The following GLE1 variants were observed in gnomAD, a reference collection of about 807,000 sequenced individuals.
The protein encoded by GLE1 is GLE1 RNA export mediator.
Under a neutral mutation model 97.3 loss-of-function variants are expected in GLE1, and 78 were observed. The observed-to-expected ratio is 0.80, with a 90% CI of 0.67 to 0.97. The LOEUF (loss-of-function observed/expected upper bound fraction) is 0.97. Among genes scored for constraint, GLE1 ranks in the 50% least tolerant of loss-of-function variants. The probability of loss-of-function intolerance (pLI) is 0.00; values close to 1 mark genes in which losing one functional copy is unlikely to be tolerated. For missense variants in GLE1, 753 were observed against 857.5 expected (o/e 0.88, Z 1.52); for synonymous variants, 302 against 313.4 (o/e 0.96, Z 0.39).
At chr9:128,508,716 GA>G (rs1380783545) in intron 1 of GLE1, among the ~76,000 whole-genome samples, 159 bp from the exon 2 acceptor site, 4 of 152,182 alleles carry the variant, frequency 2.6e-5, no homozygotes, top group African/African-American at 9.6e-5. Flanking sequence ...TCATTATCAA[GA>G]AACCACTGTA....
At chr9:128,539,267 C>T (rs1847818284) in intron 13 of GLE1, among the ~76,000 whole-genome samples, 1 of 152,084 alleles carries the variant, frequency 6.6e-6, no homozygotes, top group South Asian at 2.1e-4. Context: ...AGTCACCATA[C>T]ATGAACAATG....
rs937024001 is a variant in GLE1, at chr9:128,522,654, A to C, written c.433-14A>C. 5.6e-6 allele frequency: 9 copies of C among 1,602,202 alleles called. No individual in the cohort carries two copies. Among genetic ancestry groups the C allele is most frequent in the Non-Finnish European group, 7.7e-6 (9 of 1,175,808 alleles). Reference sequence around the variant, plus strand: ...CCATCTTAAAAAAAAAAAAAAAAAAAAAAACCTTTTCAGGAGGGCCTGAGG... The same window carrying C: ...CCATCTTAAAAAAAAAAAAAAAAAACAAAACCTTTTCAGGAGGGCCTGAGG... On this transcript the variant is annotated splice_polypyrimidine_tract_variant and intron_variant, in intron 3 of 15. Transcript: ENST00000309971.
chr9:128,531,867 A>AGT (rs1847521530), intron 9 of GLE1, among the ~76,000 whole-genome samples: 1 of 145,600 alleles, frequency 6.9e-6, no homozygotes, highest in Non-Finnish European at 1.5e-5. Context: ...GATGTCCATG[A>AGT]GTGGTTAGAA....
At chr9:128,524,926 G>A (rs1186304162) in intron 6 of GLE1, among the ~76,000 whole-genome samples, 1 of 151,970 alleles carries the variant, frequency 6.6e-6, no homozygotes, top group East Asian at 1.9e-4. Context: ...TATTATTTTT[G>A]TCTAACATAT....
chr9:128,526,547 C>T (rs758532514), intron 7 of GLE1, among the ~76,000 whole-genome samples: 4 of 152,032 alleles, frequency 2.6e-5, no homozygotes, highest in African/African-American at 4.8e-5. Flanking sequence ...TTAGTGGAGA[C>T]GGGGTTTCTC....
In GLE1 at chr9:128,533,880, TAAG is replaced by T; in HGVS notation, c.1579_1581del (p.Lys527del). On this transcript the variant is annotated inframe_deletion, in exon 11 of 16. Coordinates refer to ENST00000309971, the MANE Select transcript of GLE1 (RefSeq NM_001003722.2). ...GGGACCTCATTCTTGCTCATCTACA[TAAG>T]AAGTGTCCTTACTCTGTTCCTTTCT... 1 of 1,613,270 alleles carries T rather than the reference TAAG, an allele frequency of 6.2e-7. No homozygotes were observed. Among genetic ancestry groups the T allele is most frequent in the Non-Finnish European group, 8.5e-7 (1 of 1,179,190 alleles).
At chr9:128,532,721 T>A in intron 9 of GLE1, 1 of 946,230 alleles carries the variant, frequency 1.1e-6, no homozygotes, top group Non-Finnish European at 1.3e-6. Flanking sequence ...TGTGAGTGTA[T>A]GTGACACAGG....
At chr9:128,517,726 G>T (rs901595525) in intron 3 of GLE1, among the ~76,000 whole-genome samples, 1 of 151,934 alleles carries the variant, frequency 6.6e-6, no homozygotes, top group Non-Finnish European at 1.5e-5. Flanking sequence ...TTTTCTAGAA[G>T]ATTTCTATAT....
intron 12 of GLE1, among the ~76,000 whole-genome samples, chr9:128,537,453 C>CAAA (rs57584433): frequency 3.8e-3 from 165 of 43,662 alleles, no homozygotes; most frequent in African/African-American, 5.4e-3. Context: ...AACTCTCCCT[C>CAAA]AAAAAAAAAA....
intron 9 of GLE1, among the ~76,000 whole-genome samples, chr9:128,530,392 A>G (rs548791816): frequency 6.6e-6 from 1 of 152,284 alleles, no homozygotes; most frequent in South Asian, 2.1e-4. Context: ...GAAACCTGGG[A>G]GTCATCTTTA....
chr9:128,518,833 A>C (rs1244761508), intron 3 of GLE1, among the ~76,000 whole-genome samples: 1 of 145,352 alleles, frequency 6.9e-6, no homozygotes, highest in Non-Finnish European at 1.5e-5. Context: ...GCACCACTAC[A>C]CTCCAGCCTG....
intron 1 of GLE1, among the ~76,000 whole-genome samples, chr9:128,505,701 T>C (rs1226372235): frequency 6.6e-6 from 1 of 152,236 alleles, no homozygotes; most frequent in Non-Finnish European, 1.5e-5. Flanking sequence ...ACACTGGTGA[T>C]GCTAATCTTG....
chr9:128,530,705 C>T (rs1291350030), intron 9 of GLE1, among the ~76,000 whole-genome samples: 2 of 151,168 alleles, frequency 1.3e-5, no homozygotes, highest in Middle Eastern at 3.4e-3. Flanking sequence ...GTCAGGAGAT[C>T]GAGACCATCC....
rs765485576 is a variant in GLE1 at position 128,522,652 on chromosome 9, A to C, written c.433-16A>C. The C allele has an allele frequency of 2.6e-5, 41 of 1,603,530 alleles. No individual in the cohort carries two copies. Among genetic ancestry groups the C allele is most frequent in the South Asian group, 1.0e-4 (9 of 89,762 alleles). ...TTCCATCTTAAAAAAAAAAAAAAAA[A>C]AAAAAACCTTTTCAGGAGGGCCTGA... On this transcript the variant is annotated splice_polypyrimidine_tract_variant and intron_variant, in intron 3 of 15. Coordinates refer to ENST00000309971, the MANE Select transcript of GLE1 (RefSeq NM_001003722.2).
intron 14 of GLE1, 119 bp from the exon 15 acceptor site, chr9:128,540,156 C>T (rs1388521971): frequency 2.6e-5 from 20 of 759,502 alleles, no homozygotes; most frequent in Non-Finnish European, 4.7e-5. Flanking sequence ...TTCAAGGCCT[C>T]GGTGAGCTAT....
At chr9:128,524,311 C>T (rs1847240634) in intron 6 of GLE1, among the ~76,000 whole-genome samples, 1 of 151,906 alleles carries the variant, frequency 6.6e-6, no homozygotes, top group Non-Finnish European at 1.5e-5. Context: ...AACTCCTGGG[C>T]TGAAGTGATC....
intron 6 of GLE1, among the ~76,000 whole-genome samples, chr9:128,524,496 G>A (rs1287949914): frequency 6.8e-6 from 1 of 147,922 alleles, no homozygotes; most frequent in African/African-American, 2.5e-5. Flanking sequence ...AAGTATTGGG[G>A]TTACAGGCAC....
In GLE1 at chr9:128,541,312, AG is replaced by A; in HGVS notation, c.*143del. On this transcript the variant is annotated 3_prime_UTR_variant, in exon 16 of 16. Coordinates refer to ENST00000309971, the MANE Select transcript of GLE1 (RefSeq NM_001003722.2). ...TATGTATTTATGCCTTGTGACTAGG[AG>A]AGGAGATTTTCATGGGTCACAAAAT... 1.5e-6 allele frequency: 1 copy of A among 671,874 alleles called. No homozygotes were observed. 41.6% of individuals were successfully genotyped at this position (671,874 alleles called of 1,614,324 possible).
At chr9:128,514,338 CA>C (rs1174493216) in intron 2 of GLE1, among the ~76,000 whole-genome samples, 28,377 of 92,038 alleles carry the variant, frequency 0.31, 2,070 homozygotes, top group East Asian at 0.47. Context: ...GATCTTGTTT[CA>C]AAAAAAAAAA....
Sources: gnomAD v4.1 joint callset for allele counts (sites outside exome capture counted in the v4.1 genomes callset) on GRCh38, gnomAD v4.1.1 for gene constraint, MANE v1.5 for transcripts, NCBI Gene and HGNC (gene_info 2026-07-23, HGNC 2026-07-21) for gene names.